SUPT3H: variants seen among roughly 807,000 people sequenced by gnomAD.
SUPT3H encodes transcription initiation protein SPT3 homolog.
Under a neutral mutation model 44.3 loss-of-function variants are expected in SUPT3H, and 44 were observed. That is an observed-to-expected ratio of 0.99 (90% CI 0.78 to 1.28). The LOEUF is 1.28. Among genes scored for constraint, SUPT3H ranks in the 50% most tolerant of loss-of-function variants. The pLI, the probability that SUPT3H is intolerant of heterozygous loss-of-function variation, is 0.00. For synonymous variants in SUPT3H, 124 were observed against 125.6 expected (o/e 0.99, Z 0.09); for missense variants, 380 against 387.1 (o/e 0.98, Z 0.15).
intron 10 of SUPT3H, among the ~76,000 whole-genome samples, chr6:44,854,695 A>G (rs1773442516): frequency 6.6e-6 from 1 of 152,176 alleles, no homozygotes; most frequent in African/African-American, 2.4e-5. Context: ...GCTTATGACC[A>G]CAAACACATT....
chr6:45,185,447 T>A (rs183798784), intron 2 of SUPT3H, among the ~76,000 whole-genome samples: 5,517 of 152,204 alleles, frequency 0.036, 141 homozygotes, highest in Middle Eastern at 0.058. Context: ...GATTTTTTTG[T>A]CATACCCAAC....
intron 6 of SUPT3H, among the ~76,000 whole-genome samples, chr6:44,963,678 G>T (rs1391247960): frequency 6.6e-6 from 1 of 152,058 alleles, no homozygotes; most frequent in East Asian, 1.9e-4. Context: ...AAGAAAGGGA[G>T]AATTTATTTA....
intron 3 of SUPT3H, among the ~76,000 whole-genome samples, chr6:45,076,467 C>T (rs985886308): frequency 4.0e-5 from 6 of 150,914 alleles, no homozygotes; most frequent in African/African-American, 1.2e-4. Context: ...CTTCCTGTTA[C>T]GTGTCTGATT....
At chr6:45,168,363 T>A (rs1026860101) in intron 2 of SUPT3H, among the ~76,000 whole-genome samples, 1 of 152,086 alleles carries the variant, frequency 6.6e-6, no homozygotes, top group East Asian at 1.9e-4. Flanking sequence ...TGGTTCAGCA[T>A]CCCTAATCCA....
intron 5 of SUPT3H, among the ~76,000 whole-genome samples, chr6:45,011,277 G>A (rs752849221): frequency 6.6e-6 from 1 of 151,874 alleles, no homozygotes; most frequent in East Asian, 1.9e-4. Context: ...AACATTTGGT[G>A]GAATTCAACA....
intron 2 of SUPT3H, among the ~76,000 whole-genome samples, chr6:45,306,270 C>A (rs1398729331): frequency 3.3e-5 from 5 of 152,202 alleles, no homozygotes; most frequent in Admixed American, 2.0e-4. Context: ...GCCACAACTT[C>A]CCTGTTAGGA....
Position 45,020,535 on chromosome 6 carries a change from T to C in SUPT3H, c.273+11A>G. ...CGTGGATTTTAATACAATAAAATTA[T>C]GTTATATTACCTTATCTTTGCGCAT... On this transcript the variant is annotated intron_variant, in intron 4 of 10. Transcript: ENST00000371459. 1 of 1,598,862 alleles carries C rather than the reference T, an allele frequency of 6.3e-7. No individual in the cohort carries two copies. The highest frequency in any genetic ancestry group is 8.5e-7 in the Non-Finnish European group (1 of 1,169,738).
chr6:45,142,348 C>T (rs1934992073), intron 2 of SUPT3H, among the ~76,000 whole-genome samples: 1 of 152,048 alleles, frequency 6.6e-6, no homozygotes, highest in Non-Finnish European at 1.5e-5. Context: ...AAAAGAAAAA[C>T]AAGGTATTTA....
intron 2 of SUPT3H, among the ~76,000 whole-genome samples, chr6:45,169,541 T>TA (rs926496121): frequency 3.3e-5 from 5 of 152,094 alleles, no homozygotes; most frequent in East Asian, 1.9e-4. Context: ...TGCTTGAACA[T>TA]AAAAAAAATG....
At chr6:45,071,153 C>T (rs1794321985) in intron 3 of SUPT3H, among the ~76,000 whole-genome samples, 1 of 152,018 alleles carries the variant, frequency 6.6e-6, no homozygotes, top group African/African-American at 2.4e-5. Context: ...AGGCAGGTTC[C>T]TATTTGGCAA....
rs1224454157 is a variant in SUPT3H, at chr6:45,130,684, TA to T, written c.102-24679del. Among the ~76,000 whole-genome samples the T allele has an allele frequency of 5.2e-3, 266 of 50,704 alleles. 1 individual carries two copies. The highest frequency in any genetic ancestry group is 8.6e-3 in the Non-Finnish European group (217 of 25,380). The allele number at this position is 50,704 out of a possible 152,430, so 33.3% of individuals were successfully genotyped here. A position where few individuals can be genotyped will look rare whatever the true frequency, so the allele number is the denominator to read the frequency against. On this transcript the variant is annotated intron_variant, in intron 2 of 10. Transcript: ENST00000371459. ...ATACCTTACAGGAAAAAGACAAAGG[TA>T]AAAAAAAAAAACAAAAAAAAAAACC...
intron 3 of SUPT3H, among the ~76,000 whole-genome samples, chr6:45,030,060 C>T (rs1262517972): frequency 6.6e-6 from 1 of 151,168 alleles, no homozygotes; most frequent in East Asian, 1.9e-4. Context: ...CTATCACACA[C>T]AGCCTCTTTA....
chr6:45,273,217 G>A (rs768261890), intron 2 of SUPT3H, among the ~76,000 whole-genome samples: 4 of 152,138 alleles, frequency 2.6e-5, no homozygotes, highest in Non-Finnish European at 5.9e-5. Context: ...AATCCTCTTC[G>A]ATAAGGCTAC....
intron 2 of SUPT3H, among the ~76,000 whole-genome samples, chr6:45,180,093 A>C (rs368374612): frequency 0.23 from 31,924 of 141,764 alleles, 4,163 homozygotes; most frequent in Non-Finnish European, 0.3. Flanking sequence ...AGAGAGCCAA[A>C]TCATGAGTGA....
chr6:45,357,268 A>G (rs1330572848), intron 2 of SUPT3H, among the ~76,000 whole-genome samples: 1 of 151,936 alleles, frequency 6.6e-6, no homozygotes, highest in Non-Finnish European at 1.5e-5. Flanking sequence ...CGGCCTCCCA[A>G]AGTGCTGGGA....
Position 45,272,472 on chromosome 6 carries a change from G to A in SUPT3H, c.101+92729C>T, listed in dbSNP as rs575318838. Among the ~76,000 whole-genome samples, 32 of 152,194 alleles carry A rather than the reference G, an allele frequency of 2.1e-4. No individual in the cohort carries two copies. The South Asian group carries it at 6.0e-3, about 29-fold the overall frequency. On this transcript the variant is annotated intron_variant, in intron 2 of 10. Transcript: ENST00000371459. The stretch of plus-strand genomic sequence containing the variant: ...GCTGCCATAATTGTGAGGCTTCCCC[G>A]GCCATGTGGAACTGTTAGTCCAATT...
At chr6:45,289,422 CTTTCT>C (rs1420277877) in intron 2 of SUPT3H, among the ~76,000 whole-genome samples, 3 of 152,038 alleles carry the variant, frequency 2.0e-5, no homozygotes, top group African/African-American at 7.2e-5. Context: ...CACCATCCAC[CTTTCT>C]TTTATCAAAT....
intron 2 of SUPT3H, among the ~76,000 whole-genome samples, chr6:45,136,704 T>C (rs1804342669): frequency 6.6e-6 from 1 of 151,716 alleles, no homozygotes; most frequent in Non-Finnish European, 1.5e-5. Flanking sequence ...GTCAAAATAA[T>C]CAGTGAACTT....
intron 3 of SUPT3H, among the ~76,000 whole-genome samples, chr6:45,045,559 G>A: frequency 6.6e-6 from 1 of 152,040 alleles, no homozygotes; most frequent in East Asian, 1.9e-4. Flanking sequence ...TAAGACACTG[G>A]GGTTTTCTAA....
Sources: allele counts gnomAD v4.1 joint callset (sites outside exome capture counted in the v4.1 genomes callset), GRCh38; gene constraint gnomAD v4.1.1; transcripts MANE v1.5; gene names NCBI Gene and HGNC (gene_info 2026-07-23, HGNC 2026-07-21).